KIF26B: variants seen among roughly 807,000 people sequenced by gnomAD.
KIF26B encodes kinesin family member 26B.
A neutral mutation model predicts 151.2 loss-of-function variants in KIF26B; 63 were observed. That is an observed-to-expected ratio of 0.42 (90% confidence interval 0.34 to 0.51). KIF26B has a LOEUF of 0.51. Ranked by LOEUF, KIF26B falls within the 20% of genes least tolerant of loss-of-function variation. The pLI is 0.07. For missense variants in KIF26B, 2,813 were observed against 2,913.6 expected, an observed-to-expected ratio of 0.97 and a Z score of 0.79; for synonymous variants, 1,357 against 1,262.1, an observed-to-expected ratio of 1.08 and a Z score of -1.59.
At chr1:245,652,102 C>CTGTGTGTGTGTGTGTGTG (rs56893913) in intron 10 of KIF26B, among the ~76,000 whole-genome samples, 2 of 136,354 alleles carry the variant, frequency 1.5e-5, no homozygotes, top group Non-Finnish European at 3.1e-5. Context: ...ATGTAAGAAT[C>CTGTGTGTGTGTGTGTGTG]TGTGTGTGTG....
intron 10 of KIF26B, among the ~76,000 whole-genome samples, chr1:245,672,159 G>A (rs570155985): frequency 2.0e-4 from 30 of 152,190 alleles, no homozygotes; most frequent in African/African-American, 7.0e-4. Flanking sequence ...AAGCCCCGAG[G>A]ACTCCATCTC....
At chr1:245,443,808 TGCG>T (rs2103048894) in intron 4 of KIF26B, among the ~76,000 whole-genome samples, 1 of 70,488 alleles carries the variant, frequency 1.4e-5, no homozygotes, top group Non-Finnish European at 2.9e-5. Context: ...CTGTTCACCC[TGCG>T]GTCATCTCCC....
At chr1:245,580,514 G>T (rs1426922341) in intron 5 of KIF26B, among the ~76,000 whole-genome samples, 1 of 152,222 alleles carries the variant, frequency 6.6e-6, no homozygotes, top group Non-Finnish European at 1.5e-5. Flanking sequence ...GGTCCGAAGG[G>T]TCAAAAGGAG....
chr1:245,548,959 G>A (rs958498178), intron 5 of KIF26B, among the ~76,000 whole-genome samples: 5 of 152,064 alleles, frequency 3.3e-5, no homozygotes, highest in African/African-American at 1.2e-4. Context: ...TGGCCAGGCT[G>A]GTCAACTCCT....
At chr1:245,537,760 C>A (rs1661518874) in intron 4 of KIF26B, among the ~76,000 whole-genome samples, 1 of 152,164 alleles carries the variant, frequency 6.6e-6, no homozygotes. Flanking sequence ...GGAAAAACAT[C>A]AGGACTTCAG....
intron 2 of KIF26B, among the ~76,000 whole-genome samples, chr1:245,224,153 C>T (rs1056008717): frequency 5.9e-5 from 9 of 152,052 alleles, no homozygotes; most frequent in African/African-American, 1.4e-4. Flanking sequence ...GGTGTGGTGG[C>T]GCGTGCCTGT....
At chr1:245,182,275 GTC>G (rs1668920732) in intron 2 of KIF26B, among the ~76,000 whole-genome samples, 1 of 152,116 alleles carries the variant, frequency 6.6e-6, no homozygotes, top group Admixed American at 6.5e-5. Context: ...TCTGCTTTCC[GTC>G]TCTGTAGATT....
chr1:245,496,680 A>G (rs1227486191), intron 4 of KIF26B, among the ~76,000 whole-genome samples: 1 of 152,244 alleles, frequency 6.6e-6, no homozygotes, highest in Admixed American at 6.5e-5. Context: ...GATGGTAGCT[A>G]TAAACTCAAG....
chr1:245,341,328 TTTTTTTTTTTG>T (rs1310448549), intron 2 of KIF26B, among the ~76,000 whole-genome samples: 2 of 117,884 alleles, frequency 1.7e-5, no homozygotes, highest in African/African-American at 7.0e-5. Flanking sequence ...TTTTTTTTTT[TTTTTTTTTTTG>T]AGACACTGTC....
chr1:245,303,973 CTA>C (rs1671489811), intron 2 of KIF26B, among the ~76,000 whole-genome samples: 2 of 152,204 alleles, frequency 1.3e-5, no homozygotes, highest in African/African-American at 4.8e-5. Flanking sequence ...GAGTTAATGA[CTA>C]TGTTGGGAAG....
intron 4 of KIF26B, among the ~76,000 whole-genome samples, chr1:245,441,056 T>G (rs898141040): frequency 6.6e-6 from 1 of 152,190 alleles, no homozygotes; most frequent in Admixed American, 6.5e-5. Context: ...AAGGGACAGG[T>G]GACGGCCTGG....
At chr1:245,369,195 G>GAGAGAGAGACAGAC (rs375330671) in intron 3 of KIF26B, among the ~76,000 whole-genome samples, 2 of 129,504 alleles carry the variant, frequency 1.5e-5, no homozygotes, top group South Asian at 2.2e-4. Flanking sequence ...GAGAGAGAGA[G>GAGAGAGAGACAGAC]AGACAGACAG....
intron 2 of KIF26B, among the ~76,000 whole-genome samples, chr1:245,191,194 T>TA (rs1268098220): frequency 6.6e-6 from 1 of 150,980 alleles, no homozygotes; most frequent in African/African-American, 2.4e-5. Context: ...GGGGAGAAGT[T>TA]ACCTCCCAAC....
At chr1:245,608,569 A>G (rs897656112) in intron 7 of KIF26B, among the ~76,000 whole-genome samples, 47 of 152,212 alleles carry the variant, frequency 3.1e-4, no homozygotes, top group African/African-American at 1.0e-3. Context: ...AACTTGAGAC[A>G]GGATATAAAG....
At chr1:245,246,866 A>AACACACACACACACAC (rs10623091) in intron 2 of KIF26B, among the ~76,000 whole-genome samples, 2 of 143,856 alleles carry the variant, frequency 1.4e-5, no homozygotes, top group African/African-American at 5.2e-5. Flanking sequence ...GTAAGGGCAG[A>AACACACACACACACAC]ACACACACAC....
chr1:245,443,640 C>A (rs1659173543), intron 4 of KIF26B, among the ~76,000 whole-genome samples: 1 of 103,364 alleles, frequency 9.7e-6, no homozygotes, highest in African/African-American at 3.2e-5. Flanking sequence ...CTAGAGCGGT[C>A]ATCTCTCTCA....
intron 6 of KIF26B, among the ~76,000 whole-genome samples, chr1:245,605,796 C>T (rs746683549): frequency 2.2e-4 from 34 of 152,104 alleles, no homozygotes; most frequent in Non-Finnish European, 4.9e-4. Context: ...AGTGGAGAGC[C>T]GGGTGGGAAC....
Position 245,685,398 on chromosome 1 carries a change from C to G in KIF26B, c.2422-7C>G. On this transcript the variant is annotated splice_region_variant and splice_polypyrimidine_tract_variant and intron_variant, in intron 11 of 14. Transcript: ENST00000407071. ...GGCCACCACATTAACTGCCGTCTCA[C>G]TCACAGTACACATCCAGCTCGTCCG... 2 of 1,598,296 alleles carry G rather than the reference C, an allele frequency of 1.3e-6. No individual in the cohort carries two copies. Among genetic ancestry groups the G allele is most frequent in the Non-Finnish European group, 8.6e-7 (1 of 1,169,312 alleles).
At chr1:245,668,647 T>C (rs773710476) in intron 10 of KIF26B, among the ~76,000 whole-genome samples, 1 of 152,212 alleles carries the variant, frequency 6.6e-6, no homozygotes, top group South Asian at 2.1e-4. Context: ...TTGGTGCATT[T>C]TGTGAGAACT....
Sources: allele counts gnomAD v4.1 joint callset (sites outside exome capture counted in the v4.1 genomes callset), GRCh38; gene constraint gnomAD v4.1.1; transcripts MANE v1.5; gene names NCBI Gene and HGNC (gene_info 2026-07-23, HGNC 2026-07-21).